Variants in TBCK observed in about 807,000 individuals in gnomAD.
TBCK encodes the protein TBC domain-containing protein kinase-like protein.
Under a neutral mutation model 113.4 loss-of-function variants are expected in TBCK, and 99 were observed. The observed-to-expected ratio is 0.87, with a 90% CI of 0.74 to 1.03. TBCK has a LOEUF of 1.03. TBCK is among the 50% of genes least tolerant of loss of function. The pLI, the probability that TBCK is intolerant of heterozygous loss-of-function variation, is 0.00. For synonymous variants in TBCK, 369 were observed against 370.8 expected (o/e 1.00, Z 0.05); for missense variants, 1,045 against 1,061.3 (o/e 0.98, Z 0.21).
chr4:106,222,212 CTT>C (rs1246064523), intron 19 of TBCK, among the ~76,000 whole-genome samples: 1 of 151,848 alleles, frequency 6.6e-6, no homozygotes, highest in African/African-American at 2.4e-5. Context: ...AACCTTATAA[CTT>C]TTAATTTTTC....
At chr4:106,185,071 A>G (rs376350595) in intron 22 of TBCK, among the ~76,000 whole-genome samples, 35 of 151,986 alleles carry the variant, frequency 2.3e-4, no homozygotes, top group African/African-American at 8.5e-4. Flanking sequence ...ACAAAACAGG[A>G]GTCTTTGATT....
chr4:106,266,789 GA>G (rs1245711989), intron 3 of TBCK, among the ~76,000 whole-genome samples: 1 of 151,784 alleles, frequency 6.6e-6, no homozygotes. Context: ...ACCATGAGAA[GA>G]ACAAATCAGT....
intron 3 of TBCK, among the ~76,000 whole-genome samples, chr4:106,272,586 G>T (rs889915386): frequency 3.3e-5 from 5 of 149,514 alleles, no homozygotes; most frequent in African/African-American, 1.2e-4. Context: ...CCGTCTCCCA[G>T]GTTCATGCCA....
At chr4:106,105,802 G>C (rs1009626033) in intron 24 of TBCK, among the ~76,000 whole-genome samples, 2 of 152,212 alleles carry the variant, frequency 1.3e-5, no homozygotes, top group African/African-American at 2.4e-5. Context: ...CACATGCAGA[G>C]ATGAGAAAGA....
intron 23 of TBCK, among the ~76,000 whole-genome samples, chr4:106,126,001 T>C (rs1745165902): frequency 6.6e-6 from 1 of 152,230 alleles, no homozygotes; most frequent in Non-Finnish European, 1.5e-5. Flanking sequence ...TAAATTTTTA[T>C]CTTATACCTC....
chr4:106,304,495 T>A (rs1767293251), intron 2 of TBCK, among the ~76,000 whole-genome samples: 1 of 152,198 alleles, frequency 6.6e-6, no homozygotes. Context: ...TATCTAGAAA[T>A]TAATTTCTTA....
chr4:106,222,271 GCT>G (rs1408275697), intron 19 of TBCK, among the ~76,000 whole-genome samples: 1 of 151,540 alleles, frequency 6.6e-6, no homozygotes, highest in African/African-American at 2.4e-5. Context: ...CCTTCTAATT[GCT>G]CTGTATTAAA....
At chr4:106,225,574 C>T (rs2149967111) in intron 19 of TBCK, among the ~76,000 whole-genome samples, 1 of 152,226 alleles carries the variant, frequency 6.6e-6, no homozygotes, top group African/African-American at 2.4e-5. Flanking sequence ...ATTCTCCTGC[C>T]TCAGCCTCCC....
At chr4:106,185,625 C>G (rs948082418) in intron 22 of TBCK, among the ~76,000 whole-genome samples, 2 of 151,982 alleles carry the variant, frequency 1.3e-5, no homozygotes, top group African/African-American at 4.8e-5. Flanking sequence ...AGAACAACAC[C>G]CTCACATGTT....
At chr4:106,178,480 G>A (rs1188580814) in intron 22 of TBCK, among the ~76,000 whole-genome samples, 1 of 151,840 alleles carries the variant, frequency 6.6e-6, no homozygotes, top group Non-Finnish European at 1.5e-5. Flanking sequence ...TTGTTCTGAG[G>A]TGTGGTCCTC....
intron 2 of TBCK, 150 bp from the exon 3 acceptor site, chr4:106,295,316 C>G (rs1353011812): frequency 2.2e-5 from 11 of 511,458 alleles, no homozygotes; most frequent in Middle Eastern, 8.1e-4. Flanking sequence ...ACATTATTAC[C>G]AAGTATATAG....
intron 12 of TBCK, among the ~76,000 whole-genome samples, chr4:106,237,198 A>G (rs1759574008): frequency 6.6e-6 from 1 of 152,116 alleles, no homozygotes; most frequent in African/African-American, 2.4e-5. Context: ...CTAAAAGAAC[A>G]ACTTAGATTT....
chr4:106,174,085 A>T (rs1751342692), intron 22 of TBCK, among the ~76,000 whole-genome samples: 1 of 152,104 alleles, frequency 6.6e-6, no homozygotes, highest in Non-Finnish European at 1.5e-5. Context: ...GGATAGATGG[A>T]AAAGACAGCT....
At chr4:106,229,928 T>C (rs865952899) in intron 19 of TBCK, among the ~76,000 whole-genome samples, 1 of 151,860 alleles carries the variant, frequency 6.6e-6, no homozygotes, top group Admixed American at 6.6e-5. Context: ...TTTAGGGAAG[T>C]TGAAGAAAGA....
intron 4 of TBCK, among the ~76,000 whole-genome samples, chr4:106,261,825 G>A (rs1262342020): frequency 6.6e-6 from 1 of 151,864 alleles, no homozygotes; most frequent in East Asian, 1.9e-4. Context: ...CAAGGCTTTA[G>A]AAATAAGAGT....
chr4:106,246,979 C>G (rs1760887401), intron 10 of TBCK, among the ~76,000 whole-genome samples, 160 bp downstream of exon 10: 1 of 152,056 alleles, frequency 6.6e-6, no homozygotes, highest in Non-Finnish European at 1.5e-5. Context: ...GCCACTGCAC[C>G]CAGCCAGTCA....
chr4:106,078,369 A>G (rs558222077), intron 25 of TBCK, among the ~76,000 whole-genome samples: 1 of 152,292 alleles, frequency 6.6e-6, no homozygotes, highest in Admixed American at 6.5e-5. Context: ...AAAAGATGAA[A>G]CAAGATTGAA....
intron 24 of TBCK, among the ~76,000 whole-genome samples, chr4:106,103,667 C>T (rs193053142): frequency 6.6e-6 from 1 of 152,262 alleles, no homozygotes; most frequent in African/African-American, 2.4e-5. Flanking sequence ...TTAAAGACTG[C>T]TATTATTAGA....
At chr4:106,230,047 A>G (rs1758685770) in intron 19 of TBCK, among the ~76,000 whole-genome samples, 1 of 151,974 alleles carries the variant, frequency 6.6e-6, no homozygotes, top group Non-Finnish European at 1.5e-5. Flanking sequence ...TTTACAATGG[A>G]CTTGCCCATG....
Sources: gnomAD v4.1 joint callset for allele counts (sites outside exome capture counted in the v4.1 genomes callset) on GRCh38, gnomAD v4.1.1 for gene constraint, MANE v1.5 for transcripts, NCBI Gene and HGNC (gene_info 2026-07-23, HGNC 2026-07-21) for gene names.